The following SLC22A31 variants were observed in gnomAD, a reference collection of about 807,000 sequenced individuals.
SLC22A31 encodes the protein putative solute carrier family 22 member 31.
SLC22A31 carries 42 observed loss-of-function variants against 27.4 expected under a neutral mutation model. The ratio of observed to expected loss-of-function variants is 1.53; its 90% confidence interval spans 1.20 to 1.98. SLC22A31 has a LOEUF of 1.98. Among genes scored for constraint, SLC22A31 ranks in the 30% most tolerant of loss-of-function variants. The probability of loss-of-function intolerance (pLI) is 0.00; values close to 1 mark genes in which losing one functional copy is unlikely to be tolerated. For synonymous variants in SLC22A31, 290 were observed against 230.8 expected (o/e 1.26, Z -2.33); for missense variants, 593 against 479.9 (o/e 1.24, Z -2.20).
At chr16:89,198,974 CAT>C in intron 4 of SLC22A31, 47 bp downstream of exon 4, 3 of 1,521,284 alleles carry the variant, frequency 2.0e-6, no homozygotes, top group African/African-American at 1.4e-5. Flanking sequence ...AGGGAAGCTA[CAT>C]AGTCAGCCCC....
Position 89,196,138 on chromosome 16 carries a change from C to A in SLC22A31, c.1202G>T (p.Arg401Leu). Residue 401 changes from arginine (R) to leucine (L), a missense_variant, in exon 9 of 9, where the codon CGG (arginine) becomes CTG (leucine). Arg to Leu is a moderately radical substitution (Grantham distance 102, BLOSUM62 -2). Transcript: ENST00000682282. Reference sequence around the variant, plus strand: ...GTCCTGCAGTGACTGGGGCAGCCCCCGGCTTCGGCTCTCAGGCAGCAGCAG... The same window carrying A: ...GTCCTGCAGTGACTGGGGCAGCCCCAGGCTTCGGCTCTCAGGCAGCAGCAG... ...CVLLLPESRS[R>L]GLPQSLQDAD... 3.3e-6 allele frequency: 5 copies of A among 1,534,928 alleles called. No individual in the cohort carries two copies. Among genetic ancestry groups the A allele is most frequent in the Non-Finnish European group, 4.4e-6 (5 of 1,146,498 alleles).
intron 7 of SLC22A31, among the ~76,000 whole-genome samples, chr16:89,197,806 A>G (rs1325563389): frequency 6.6e-6 from 1 of 152,202 alleles, no homozygotes; most frequent in East Asian, 1.9e-4. Context: ...GGGCCCTCCC[A>G]CACCAGTCCA....
At position 89,197,306 on chromosome 16, in the gene SLC22A31, C is replaced by A; in HGVS notation, c.1026G>T (p.Thr342=). Residue 342 remains threonine (T), a synonymous_variant, in exon 8 of 9, where the codon ACG becomes ACT. Transcript: ENST00000682282. Reference sequence around the variant, plus strand: ...GCAACCCTGAAGCTCACCTGATCACCGTGGGGAAGACCTCGGCCGCGAAGA... The same window carrying A: ...GCAACCCTGAAGCTCACCTGATCACAGTGGGGAAGACCTCGGCCGCGAAGA... The part of the protein sequence containing the change: ...SSLFAAEVFP[T]VIRGAGLGLV... 6.5e-7 allele frequency: 1 copy of A among 1,535,570 alleles called. No individual in the cohort carries two copies.
At chr16:89,199,218 G>T (rs1414357698) in intron 3 of SLC22A31, 27 bp from the exon 4 acceptor site, 2 of 1,505,806 alleles carry the variant, frequency 1.3e-6, no homozygotes, top group Non-Finnish European at 1.8e-6. Context: ...AGGTTGAAGT[G>T]GAGGCCTCGG....
In SLC22A31 at chr16:89,198,773, A is replaced by T; in HGVS notation, c.477T>A (p.Ser159=). 6.5e-7 allele frequency: 1 copy of T among 1,533,710 alleles called. No homozygotes were observed. The highest frequency in any genetic ancestry group is 1.4e-5 in the African/African-American group (1 of 73,122). ...FWGFPALFPE[S]PCWLLATGQV... is the part of the protein sequence containing the mutation. ...GACCTGTGGCCAGCAGCCAGCAGGG[A>T]GACTCGGGGAACAGGGCCGGGAACC... Residue 159 remains serine, a synonymous_variant, in exon 5 of 9, where the codon TCT becomes TCA. Coordinates refer to ENST00000682282, the MANE Select transcript of SLC22A31 (RefSeq NM_001384763.1).
chr16:89,201,522 G>T (rs949549380), upstream of SLC22A31: 6 of 397,700 alleles, frequency 1.5e-5, no homozygotes, highest in African/African-American at 4.1e-5. Flanking sequence ...TCGGCAGTGG[G>T]GCGCGGGCTG....
intron 8 of SLC22A31, 34 bp downstream of exon 8, chr16:89,197,264 C>T (rs1916036028): frequency 6.6e-7 from 1 of 1,504,610 alleles, no homozygotes. Context: ...AGGCCCTGGA[C>T]CCTGCTGTGT....
In SLC22A31 at chr16:89,198,800, G is replaced by A. The variant is rs957850334; in HGVS notation, c.453-3C>T. 2.6e-6 allele frequency: 4 copies of A among 1,527,812 alleles called. No individual in the cohort carries two copies. The highest frequency in any genetic ancestry group is 2.7e-5 in the African/African-American group (2 of 72,874). 94.6% of individuals were successfully genotyped at this position (1,527,812 alleles called of 1,614,324 possible). On this transcript the variant is annotated splice_region_variant and splice_polypyrimidine_tract_variant and intron_variant, in intron 4 of 8. Coordinates refer to ENST00000682282, the MANE Select transcript of SLC22A31 (RefSeq NM_001384763.1). Reference sequence around the variant, plus strand: ...ACTCGGGGAACAGGGCCGGGAACCTGCAGCGTTGGTGAGGATGCCCACGGC... The same window carrying A: ...ACTCGGGGAACAGGGCCGGGAACCTACAGCGTTGGTGAGGATGCCCACGGC...
chr16:89,197,865 CG>C (rs1430859709), intron 7 of SLC22A31, among the ~76,000 whole-genome samples: 4 of 152,260 alleles, frequency 2.6e-5, no homozygotes, highest in Non-Finnish European at 2.9e-5. Context: ...TTACCCAGCC[CG>C]GCCTCTTGAC....
At chr16:89,197,498 T>G (rs2151610604) in intron 7 of SLC22A31, 89 bp from the exon 8 acceptor site, 1 of 905,072 alleles carries the variant, frequency 1.1e-6, no homozygotes, top group East Asian at 2.7e-5. Context: ...ACCACACCAC[T>G]GTCTGGGGAC....
At chr16:89,197,470 A>G in intron 7 of SLC22A31, 61 bp from the exon 8 acceptor site, 1 of 1,241,550 alleles carries the variant, frequency 8.1e-7, no homozygotes, top group Non-Finnish European at 1.1e-6. Context: ...CTGGCCACTC[A>G]GGGCCCTTCC....
upstream of SLC22A31, chr16:89,201,125 C>G: frequency 2.7e-6 from 1 of 376,846 alleles, no homozygotes; most frequent in Admixed American, 4.6e-5. Context: ...GGCCGGCGGC[C>G]GCCCCGGAGC....
chr16:89,199,412 C>G lies in SLC22A31; in HGVS notation c.283+1G>C. Reference sequence around the variant, plus strand: ...GTGACAGCAGCCCCCAGGGTACTCACGAGCCAGATACAGGGCGAGGAGGGC... The same window carrying G: ...GTGACAGCAGCCCCCAGGGTACTCAGGAGCCAGATACAGGGCGAGGAGGGC... On this transcript the variant is annotated splice_donor_variant, in intron 3 of 8. Transcript: ENST00000682282. LOFTEE classifies it high-confidence loss of function. The G allele has an allele frequency of 1.7e-6, 1 of 572,416 alleles. No homozygotes were observed. Among genetic ancestry groups the G allele is most frequent in the Middle Eastern group, 3.9e-4 (1 of 2,536 alleles). The allele number at this position is 572,416 out of a possible 1,614,324, so 35.5% of individuals were successfully genotyped here.
At position 89,199,160 on chromosome 16, in the gene SLC22A31, C is replaced by T. The variant is rs951548151; in HGVS notation, c.315G>A (p.Leu105=). 1.3e-6 allele frequency: 2 copies of T among 1,531,832 alleles called. No individual in the cohort carries two copies. Among genetic ancestry groups the T allele is most frequent in the African/African-American group, 1.4e-5 (1 of 72,692 alleles). The allele number at this position is 1,531,832 out of a possible 1,614,324, so 94.9% of individuals were successfully genotyped here. A position where few individuals can be genotyped will look rare whatever the true frequency, so the allele number is the denominator to read the frequency against. ...AAAGGCCAGCCCCCATGGAGAAGGC[C>T]AGGCGGTGGGGAGGGTCACACAACT... The part of the protein sequence containing the change: ...RLELCDPPHR[L]AFSMGAGLFS... Residue 105 remains leucine (L), a synonymous_variant, in exon 4 of 9, where the codon CTG becomes CTA. Transcript: ENST00000682282.
chr16:89,198,332 C>G lies in SLC22A31; in HGVS notation c.712G>C (p.Val238Leu). ...NGLILGFSSL[V>L]GGGIRASFRR... ...AAGCTAGCTCTGATGCCTCCACCAA[C>G]CAGCCTGGGAGAGAGAGCAAATCTA... is the stretch of plus-strand genomic sequence containing the variant. The change falls in exon 7 of 9, where the codon GTT becomes CTT. Residue 238 changes from valine (V) to leucine (L), a missense_variant. Transcript: ENST00000682282. 1 of 1,535,910 alleles carries G rather than the reference C, an allele frequency of 6.5e-7. No individual in the cohort carries two copies. Among genetic ancestry groups the G allele is most frequent in the Non-Finnish European group, 8.7e-7 (1 of 1,146,884 alleles).
At chr16:89,196,898 A>G (rs1309792674) in intron 8 of SLC22A31, among the ~76,000 whole-genome samples, 7 of 151,222 alleles carry the variant, frequency 4.6e-5, no homozygotes, top group Non-Finnish European at 8.8e-5. Context: ...GTGAGCTGAG[A>G]TCACACCACT....
upstream of SLC22A31, chr16:89,201,029 C>T: frequency 2.8e-6 from 1 of 359,338 alleles, no homozygotes; most frequent in Non-Finnish European, 5.0e-6. Context: ...CCGCCCCGCG[C>T]CTGGCAGCTC....
intron 4 of SLC22A31, 68 bp from the exon 5 acceptor site, chr16:89,198,865 G>T (rs1916259866): frequency 1.3e-6 from 2 of 1,497,060 alleles, no homozygotes; most frequent in African/African-American, 1.4e-5. Context: ...AAAGGCCAGG[G>T]CCCCCACCCC....
intron 1 of SLC22A31, chr16:89,200,094 C>G (rs2151615680): frequency 3.1e-6 from 1 of 325,060 alleles, no homozygotes; most frequent in East Asian, 4.8e-5. Flanking sequence ...CCTCCGCACA[C>G]CATTGCTCTT....
Sources: gnomAD v4.1 joint callset for allele counts (sites outside exome capture counted in the v4.1 genomes callset) on GRCh38, gnomAD v4.1.1 for gene constraint, MANE v1.5 for transcripts, NCBI Gene and HGNC (gene_info 2026-07-23, HGNC 2026-07-21) for gene names.